NSD2: variants seen among roughly 807,000 people sequenced by gnomAD.
NSD2 encodes the protein histone-lysine N-methyltransferase NSD2.
A neutral mutation model predicts 139.0 loss-of-function variants in NSD2; 12 were observed. The observed-to-expected ratio is 0.09, with a 90% CI of 0.06 to 0.14. NSD2 has a LOEUF of 0.14. Among genes scored for constraint, NSD2 ranks in the 10% least tolerant of loss-of-function variants. The pLI, the probability that NSD2 is intolerant of heterozygous loss-of-function variation, is 1.00. For missense variants in NSD2, 1,155 were observed against 1,745.0 expected, an observed-to-expected ratio of 0.66 and a Z score of 6.02; for synonymous variants, 669 against 648.7, an observed-to-expected ratio of 1.03 and a Z score of -0.48.
intron 1 of NSD2, among the ~76,000 whole-genome samples, chr4:1,884,022 A>G (rs952082753): frequency 1.3e-5 from 2 of 152,256 alleles, no homozygotes; most frequent in East Asian, 3.8e-4. Context: ...CAGCAGAAGC[A>G]GCACTACCCA....
chr4:1,889,145 G>A (rs867100202), intron 1 of NSD2, among the ~76,000 whole-genome samples: 36 of 152,120 alleles, frequency 2.4e-4, no homozygotes, highest in African/African-American at 5.8e-4. Flanking sequence ...TGATCCACCC[G>A]CTTTGGCCTC....
In NSD2 at chr4:1,946,143, T is replaced by C. The variant is rs538106332; in HGVS notation, c.1882-4929T>C. On this transcript the variant is annotated intron_variant, in intron 9 of 21. Coordinates refer to ENST00000508803, the MANE Select transcript of NSD2 (RefSeq NM_001042424.3). ...TCTTTGAGATGATAAAGCTAAATTA[T>C]AGTCTTTTGCCAGAGAAACTGAGGT... 1.6e-5 allele frequency: 16 copies of C among 1,026,980 alleles called. No homozygotes were observed. The African/African-American group carries it at 1.7e-4, about 11-fold the overall frequency. The allele number at this position is 1,026,980 out of a possible 1,614,324, so 63.6% of individuals were successfully genotyped here. A position where few individuals can be genotyped will look rare whatever the true frequency, so the allele number is the denominator to read the frequency against.
intron 1 of NSD2, among the ~76,000 whole-genome samples, chr4:1,872,450 C>T (rs1022699399): frequency 6.6e-6 from 1 of 152,092 alleles, no homozygotes; most frequent in Non-Finnish European, 1.5e-5. Context: ...TTGTATAGGA[C>T]CCATTGCAGC....
At chr4:1,889,692 T>TTTC (rs1479541527) in intron 1 of NSD2, among the ~76,000 whole-genome samples, 1 of 151,316 alleles carries the variant, frequency 6.6e-6, no homozygotes, top group Non-Finnish European at 1.5e-5. Context: ...GTAGAGAGAG[T>TTTC]TTCATCATGT....
chr4:1,890,487 G>A (rs1715446271), intron 1 of NSD2, among the ~76,000 whole-genome samples: 1 of 151,794 alleles, frequency 6.6e-6, no homozygotes. Context: ...ATTTTTAGTA[G>A]AGACAGGGTT....
At chr4:1,936,667 C>CA (rs879590049) in intron 7 of NSD2, among the ~76,000 whole-genome samples, 1,003 of 51,294 alleles carry the variant, frequency 0.02, 12 homozygotes, top group South Asian at 0.046. Context: ...GACTCCATCT[C>CA]AAAAAAAAAA....
chr4:1,945,352 C>T (rs979499800), intron 9 of NSD2: 1 of 1,065,528 alleles, frequency 9.4e-7, no homozygotes, highest in Non-Finnish European at 1.1e-6. Context: ...AAGCTTGCTG[C>T]TCCTGTGCTG....
At chr4:1,921,215 G>T (rs7657447) in intron 5 of NSD2, among the ~76,000 whole-genome samples, 14,199 of 151,992 alleles carry the variant, frequency 0.093, 2,063 homozygotes, top group African/African-American at 0.31. Context: ...CCCAGCACTT[G>T]GGGAGGCTGA....
chr4:1,915,482 A>G (rs189164607), intron 3 of NSD2, among the ~76,000 whole-genome samples: 7 of 152,120 alleles, frequency 4.6e-5, no homozygotes, highest in Admixed American at 4.6e-4. Flanking sequence ...TTCTCTTTTC[A>G]TAGCACACAG....
Position 1,955,178 on chromosome 4 carries a change from G to T in NSD2, c.2356G>T (p.Val786Phe). Residue 786 changes from valine to phenylalanine, a missense_variant, in exon 13 of 22, where the codon GTC (valine) becomes TTC (phenylalanine). Coordinates refer to ENST00000508803, the MANE Select transcript of NSD2 (RefSeq NM_001042424.3). The surrounding 1 kb of genome is among the most constrained non-coding windows in gnomAD (Gnocchi z 4.7). Reference sequence around the variant, plus strand: ...GCCTTCAGGTAAAATGATGCGGTGTGTCCGCTGCCCCGTTGCCTATCACAG... The same window carrying T: ...GCCTTCAGGTAAAATGATGCGGTGTTTCCGCTGCCCCGTTGCCTATCACAG... ...RPSKGKMMRCVRCPVAYHSGD... is the reference protein window; with the variant it reads ...RPSKGKMMRCFRCPVAYHSGD... 1.2e-6 allele frequency: 2 copies of T among 1,611,634 alleles called. No individual in the cohort carries two copies. The highest frequency in any genetic ancestry group is 1.7e-6 in the Non-Finnish European group (2 of 1,177,826).
At chr4:1,890,597 G>A (rs1715455324) in intron 1 of NSD2, among the ~76,000 whole-genome samples, 2 of 150,814 alleles carry the variant, frequency 1.3e-5, no homozygotes, top group East Asian at 1.9e-4. Flanking sequence ...CACCGCACCC[G>A]GCCTATACAA....
intron 6 of NSD2, among the ~76,000 whole-genome samples, chr4:1,934,869 AAAAAAAAAAATATATATATATATAT>A (rs1722141680): frequency 9.6e-6 from 1 of 104,364 alleles, no homozygotes; most frequent in Admixed American, 9.9e-5. Context: ...AAAAAAAAAA[AAAAAAAAAAATATATATATATATAT>A]ATATATATAT....
In NSD2 at chr4:1,974,597, G is replaced by A. The variant is rs766316131; in HGVS notation, c.3373-266G>A. 1.2e-5 allele frequency: 7 copies of A among 591,526 alleles called. No individual in the cohort carries two copies. Among genetic ancestry groups the A allele is most frequent in the Admixed American group, 4.5e-5 (2 of 44,080 alleles). The allele number at this position is 591,526 out of a possible 1,614,324, so 36.6% of individuals were successfully genotyped here. The stretch of plus-strand genomic sequence containing the variant: ...TAGCTCCCTTGTTTGCCATCATGGA[G>A]GATGCTGGGAGCTCCAGCTCCCTGT... On this transcript the variant is annotated intron_variant, in intron 18 of 21. Coordinates refer to ENST00000508803, the MANE Select transcript of NSD2 (RefSeq NM_001042424.3). The surrounding 1 kb of genome is among the most constrained non-coding windows in gnomAD (Gnocchi z 4.0).
rs192842159 is a variant in NSD2, at chr4:1,945,233, G to A, written c.1881+5455G>A. 3.8e-5 allele frequency: 41 copies of A among 1,067,148 alleles called. No individual in the cohort carries two copies. The East Asian group carries it at 1.7e-3, about 45-fold the overall frequency. 66.1% of individuals were successfully genotyped at this position (1,067,148 alleles called of 1,614,324 possible). A position where few individuals can be genotyped will look rare whatever the true frequency, so the allele number is the denominator to read the frequency against. ...GGGACTGGGGAACAAGACGGGGTGG[G>A]GTGGGGAGATGGGCATTTGGAGAGT... On this transcript the variant is annotated intron_variant, in intron 9 of 21. Coordinates refer to ENST00000508803, the MANE Select transcript of NSD2 (RefSeq NM_001042424.3).
chr4:1,925,397 T>C (rs1427179839), intron 5 of NSD2, among the ~76,000 whole-genome samples: 5 of 135,864 alleles, frequency 3.7e-5, no homozygotes, highest in African/African-American at 1.4e-4. Flanking sequence ...TTCTTTTTTT[T>C]TTTTTTTTTT....
At chr4:1,871,852 G>GGGC (rs1013138341) in intron 1 of NSD2, among the ~76,000 whole-genome samples, 1 of 147,602 alleles carries the variant, frequency 6.8e-6, no homozygotes, top group African/African-American at 2.5e-5. Context: ...GGCGGCCTGC[G>GGGC]GGCGGCGGCG....
intron 5 of NSD2, among the ~76,000 whole-genome samples, chr4:1,925,772 A>T (rs953590607): frequency 1.4e-4 from 21 of 148,956 alleles, no homozygotes; most frequent in East Asian, 1.9e-4. Flanking sequence ...CTATATATAT[A>T]TTTTTTTTTG....
chr4:1,930,844 G>C, intron 6 of NSD2, 74 bp downstream of exon 6: 4 of 1,509,386 alleles, frequency 2.7e-6, no homozygotes, highest in Non-Finnish European at 3.6e-6. Context: ...CTCTGATCTT[G>C]GAACCGTAGG....
intron 1 of NSD2, among the ~76,000 whole-genome samples, chr4:1,871,796 C>T (rs1713789144): frequency 6.8e-6 from 1 of 147,382 alleles, no homozygotes; most frequent in Admixed American, 6.7e-5. Flanking sequence ...GGCGGGAGGA[C>T]CGGGCGGACC....
Sources: gnomAD v4.1 joint callset for allele counts (sites outside exome capture counted in the v4.1 genomes callset) on GRCh38, gnomAD v4.1.1 for gene constraint, Gnocchi (gnomAD v3.1) non-coding constraint, MANE v1.5 for transcripts, NCBI Gene and HGNC (gene_info 2026-07-23, HGNC 2026-07-21) for gene names.